The following EFHC2 variants were observed in gnomAD, a reference collection of about 807,000 sequenced individuals.
EFHC2 encodes the protein EF-hand domain-containing family member C2.
In EFHC2, 18 loss-of-function variants were observed where a neutral mutation model predicts 52.7. That is an observed-to-expected ratio of 0.34 (90% confidence interval 0.24 to 0.51). The LOEUF is 0.51. Among genes scored for constraint, EFHC2 ranks in the 20% least tolerant of loss-of-function variants. The pLI, the probability that EFHC2 is intolerant of heterozygous loss-of-function variation, is 0.97. For synonymous variants in EFHC2, 203 were observed against 204.1 expected (o/e 0.99, Z 0.04); for missense variants, 513 against 562.5 (o/e 0.91, Z 0.89).
chrX:44,259,804 C>CA lies in EFHC2; in HGVS notation c.606+1270dup, dbSNP rs748795085. 4.5e-5 allele frequency among the ~76,000 whole-genome samples: 5 copies of CA among 110,432 alleles called. No individual in the cohort carries two copies. The East Asian group carries it at 8.5e-4, about 19-fold the overall frequency. On this transcript the variant is annotated intron_variant, in intron 4 of 14. Transcript: ENST00000420999. ...GGAAAAAATAAAAATGAATCCAAAC[C>CA]AAAAAAAATCCCTTTGTACATCAAT...
chrX:44,290,406 A>AT (rs1391562975), intron 2 of EFHC2, among the ~76,000 whole-genome samples: 2 of 111,508 alleles, frequency 1.8e-5, no homozygotes, highest in African/African-American at 3.3e-5. Context: ...AAAAATACTT[A>AT]TTTTTTTCTG....
chrX:44,253,262 C>T (rs1267144053), intron 4 of EFHC2, among the ~76,000 whole-genome samples: 3 of 108,567 alleles, frequency 2.8e-5, no homozygotes, highest in South Asian at 8.2e-4. Context: ...ACCCCAGTGG[C>T]GCCTGGAACA....
rs2037299800 is a variant in EFHC2, at chrX:44,234,096, A to G, written c.1423+1209T>C. Among the ~76,000 whole-genome samples the G allele has an allele frequency of 2.7e-5, 3 of 111,700 alleles. No individual in the cohort carries two copies. The Admixed American group carries it at 2.8e-4, about 11-fold the overall frequency. On this transcript the variant is annotated intron_variant, in intron 9 of 14. Transcript: ENST00000420999. Reference sequence around the variant, plus strand: ...TCCTTCCACATTTTCCCTCACCAGCATTCCCCCTATTAAATCTCTTGCATA... The same window carrying G: ...TCCTTCCACATTTTCCCTCACCAGCGTTCCCCCTATTAAATCTCTTGCATA...
chrX:44,214,261 C>T (rs1043319161), intron 11 of EFHC2, among the ~76,000 whole-genome samples: 1 of 111,830 alleles, frequency 8.9e-6, no homozygotes, highest in Non-Finnish European at 1.9e-5. Flanking sequence ...ACGATAAATG[C>T]CGAAAACAAA....
At chrX:44,291,272 C>T (rs1046280234) in intron 2 of EFHC2, among the ~76,000 whole-genome samples, 3 of 111,374 alleles carry the variant, frequency 2.7e-5, no homozygotes, top group Non-Finnish European at 5.6e-5. Context: ...TTTATATAGG[C>T]GTATCTTATT....
At chrX:44,229,920 G>A (rs1164559870) in intron 10 of EFHC2, 141 bp from the exon 11 acceptor site, 2 of 563,810 alleles carry the variant, frequency 3.5e-6, no homozygotes, top group Non-Finnish European at 5.5e-6. Context: ...AACCAACACC[G>A]AGAAGGCATG....
chrX:44,329,793 T>C (rs1360197558), intron 1 of EFHC2, among the ~76,000 whole-genome samples: 1 of 108,168 alleles, frequency 9.2e-6, no homozygotes, highest in African/African-American at 3.4e-5. Context: ...TTTTGTAGAG[T>C]CAAAGTCCCC....
intron 4 of EFHC2, among the ~76,000 whole-genome samples, chrX:44,256,006 A>G (rs2037489131): frequency 8.9e-6 from 1 of 112,076 alleles, no homozygotes; most frequent in Non-Finnish European, 1.9e-5. Context: ...AAACTGAACA[A>G]CCTGCTCCTG....
intron 14 of EFHC2, among the ~76,000 whole-genome samples, chrX:44,156,953 C>A (rs778529069): frequency 5.8e-4 from 64 of 111,064 alleles, no homozygotes; most frequent in Middle Eastern, 9.2e-3. Context: ...AAATTACAGC[C>A]CCATGGCTCA....
At chrX:44,164,869 T>C (rs1433540762) in intron 13 of EFHC2, among the ~76,000 whole-genome samples, 3 of 112,207 alleles carry the variant, frequency 2.7e-5, no homozygotes, top group African/African-American at 9.7e-5. Context: ...TGAATCTCTT[T>C]GACCACTATT....
intron 1 of EFHC2, among the ~76,000 whole-genome samples, chrX:44,339,645 G>A (rs916136592): frequency 9.0e-5 from 10 of 110,666 alleles, no homozygotes; most frequent in African/African-American, 3.3e-4. Flanking sequence ...TCAATTCTAT[G>A]GAAAAGCAAT....
At chrX:44,171,060 C>T (rs1215386797) in intron 13 of EFHC2, among the ~76,000 whole-genome samples, 1 of 112,038 alleles carries the variant, frequency 8.9e-6, no homozygotes, top group Non-Finnish European at 1.9e-5. Context: ...TGCGAATCCA[C>T]CATTTTCTCC....
At chrX:44,207,059 A>T (rs928409726) in intron 11 of EFHC2, among the ~76,000 whole-genome samples, 5 of 111,971 alleles carry the variant, frequency 4.5e-5, no homozygotes, top group African/African-American at 1.6e-4. Flanking sequence ...TCAGAAATAA[A>T]GCCACATACC....
At chrX:44,172,171 C>A (rs1216964116) in intron 13 of EFHC2, among the ~76,000 whole-genome samples, 2 of 111,995 alleles carry the variant, frequency 1.8e-5, no homozygotes, top group Non-Finnish European at 3.8e-5. Context: ...TCCATGGAAC[C>A]CAAAGCCAAC....
intron 2 of EFHC2, among the ~76,000 whole-genome samples, chrX:44,304,224 G>A (rs753633990): frequency 8.0e-5 from 9 of 112,180 alleles, no homozygotes; most frequent in Non-Finnish European, 1.7e-4. Context: ...TAGATCCAGG[G>A]TCTGGGCTCA....
At chrX:44,185,556 G>A (rs896157816) in intron 11 of EFHC2, among the ~76,000 whole-genome samples, 3 of 108,662 alleles carry the variant, frequency 2.8e-5, no homozygotes, top group Admixed American at 2.0e-4. Context: ...TTTTTTTTAA[G>A]AGGCAGGGTC....
At chrX:44,342,653 G>T (rs1489022238) in intron 1 of EFHC2, among the ~76,000 whole-genome samples, 2 of 110,618 alleles carry the variant, frequency 1.8e-5, no homozygotes, top group Non-Finnish European at 3.8e-5. Flanking sequence ...GAGGCGGGCA[G>T]ATCACTTGAG....
At chrX:44,220,965 ACC>A (rs1231931041) in intron 11 of EFHC2, among the ~76,000 whole-genome samples, 1 of 112,042 alleles carries the variant, frequency 8.9e-6, no homozygotes, top group Non-Finnish European at 1.9e-5. Context: ...AGTACCTGTT[ACC>A]ACACATGTTC....
intron 1 of EFHC2, among the ~76,000 whole-genome samples, chrX:44,322,069 A>G (rs1457390987): frequency 1.5e-5 from 1 of 64,981 alleles, no homozygotes; most frequent in African/African-American, 6.4e-5. Context: ...CCCCACCCCC[A>G]GCTGTATCAC....
Sources: allele counts gnomAD v4.1 joint callset (sites outside exome capture counted in the v4.1 genomes callset), GRCh38; gene constraint gnomAD v4.1.1; transcripts MANE v1.5; gene names NCBI Gene and HGNC (gene_info 2026-07-23, HGNC 2026-07-21).